NEK11: variants seen among roughly 807,000 people sequenced by gnomAD.
The protein encoded by NEK11 is NIMA related kinase 11.
Under a neutral mutation model 80.7 loss-of-function variants are expected in NEK11, and 72 were observed. The ratio of observed to expected loss-of-function variants is 0.89; its 90% CI spans 0.74 to 1.08. The LOEUF (loss-of-function observed/expected upper bound fraction) is 1.08. Ranked by LOEUF, NEK11 falls within the 50% of genes least tolerant of loss-of-function variation. NEK11 has a pLI of 0.00. For synonymous variants in NEK11, 251 were observed against 260.7 expected (o/e 0.96, Z 0.36); for missense variants, 764 against 763.6 (o/e 1.00, Z -0.01).
chr3:131,211,570 C>G (rs1258718054), intron 14 of NEK11, among the ~76,000 whole-genome samples: 1 of 152,220 alleles, frequency 6.6e-6, no homozygotes, highest in Non-Finnish European at 1.5e-5. Flanking sequence ...TGTTTTCCAA[C>G]TTGGTTCCAT....
intron 1 of NEK11, 191 bp from the exon 2 acceptor site, chr3:131,027,739 A>C (rs1278821640): frequency 6.3e-5 from 9 of 141,846 alleles, no homozygotes; most frequent in African/African-American, 2.3e-4. Flanking sequence ...GGATGACCTA[A>C]AAGTGGACTG....
At chr3:131,319,230 T>C (rs1405328582) in intron 17 of NEK11, among the ~76,000 whole-genome samples, 2 of 152,208 alleles carry the variant, frequency 1.3e-5, no homozygotes, top group African/African-American at 4.8e-5. Context: ...TTTTCTAATG[T>C]GACTTGTTAT....
chr3:131,044,809 C>T (rs1222547855), intron 3 of NEK11, among the ~76,000 whole-genome samples: 1 of 152,140 alleles, frequency 6.6e-6, no homozygotes, highest in Non-Finnish European at 1.5e-5. Flanking sequence ...CCCAAATCAA[C>T]AGAATATACA....
intron 3 of NEK11, among the ~76,000 whole-genome samples, chr3:131,054,748 CTAAATAAATAAA>C (rs538450777): frequency 4.2e-4 from 56 of 132,694 alleles, no homozygotes; most frequent in African/African-American, 1.4e-3. Context: ...CAGCCTGCCT[CTAAATAAATAAA>C]TAAATAAATA....
At chr3:131,176,605 C>T (rs867523782) in intron 14 of NEK11, among the ~76,000 whole-genome samples, 8 of 152,214 alleles carry the variant, frequency 5.3e-5, no homozygotes, top group African/African-American at 1.7e-4. Context: ...TAGAGTGTTC[C>T]TTCTGTACGA....
chr3:131,341,191 A>T, intron 17 of NEK11, among the ~76,000 whole-genome samples: 1 of 152,192 alleles, frequency 6.6e-6, no homozygotes, highest in Admixed American at 6.5e-5. Flanking sequence ...TATCAGAATA[A>T]ATTTACACGG....
chr3:131,323,442 T>C (rs2096918290), intron 17 of NEK11, among the ~76,000 whole-genome samples: 2 of 151,992 alleles, frequency 1.3e-5, no homozygotes, highest in South Asian at 4.1e-4. Context: ...CTGAAGCCTA[T>C]ACTACCTTGG....
chr3:131,056,001 A>G (rs1463389784), intron 3 of NEK11, among the ~76,000 whole-genome samples: 2 of 152,228 alleles, frequency 1.3e-5, no homozygotes, highest in Non-Finnish European at 2.9e-5. Flanking sequence ...AAAGAGACCA[A>G]GTATACTGTG....
chr3:131,101,842 A>G (rs751893884), intron 4 of NEK11, among the ~76,000 whole-genome samples: 2 of 152,012 alleles, frequency 1.3e-5, no homozygotes, highest in Non-Finnish European at 2.9e-5. Flanking sequence ...CTGTATTACT[A>G]TGTGTTTGTC....
intron 17 of NEK11, among the ~76,000 whole-genome samples, chr3:131,348,957 C>A (rs547015261): frequency 4.3e-4 from 65 of 152,172 alleles, no homozygotes; most frequent in African/African-American, 1.5e-3. Flanking sequence ...TCCTCCTCCT[C>A]CTCATTATTA....
intron 17 of NEK11, among the ~76,000 whole-genome samples, chr3:131,314,130 A>AGTGTGTGTGTGTGTGTGTGT (rs143988468): frequency 1.4e-3 from 213 of 149,332 alleles, no homozygotes; most frequent in African/African-American, 4.5e-3. Flanking sequence ...GGAGAAAAAG[A>AGTGTGTGTGTGTGTGTGTGT]GTGTGTGTGT....
intron 17 of NEK11, among the ~76,000 whole-genome samples, chr3:131,347,154 T>C (rs182892979): frequency 1.2e-4 from 19 of 152,222 alleles, no homozygotes; most frequent in Admixed American, 2.0e-4. Flanking sequence ...GGGAAACTTA[T>C]TGTGGAGCCT....
intron 7 of NEK11, among the ~76,000 whole-genome samples, chr3:131,137,859 A>T (rs946607329): frequency 6.6e-6 from 1 of 152,232 alleles, no homozygotes; most frequent in Non-Finnish European, 1.5e-5. Context: ...TTTTAAAAAA[A>T]TTTAAATTTT....
At chr3:131,296,931 G>A (rs1159573866) in intron 17 of NEK11, among the ~76,000 whole-genome samples, 2 of 151,700 alleles carry the variant, frequency 1.3e-5, no homozygotes, top group African/African-American at 2.4e-5. Context: ...TTGTTCTTGC[G>A]ATAGTTTACT....
At chr3:131,315,466 C>CCT (rs1279616482) in intron 17 of NEK11, among the ~76,000 whole-genome samples, 1 of 97,122 alleles carries the variant, frequency 1.0e-5, no homozygotes. Context: ...GAATAATATT[C>CCT]CTGTGTGTGT....
intron 17 of NEK11, chr3:131,327,874 A>T (rs1208775422): frequency 6.6e-6 from 1 of 151,924 alleles, no homozygotes; most frequent in Non-Finnish European, 1.5e-5. Context: ...TTTATTTTGT[A>T]GCACTGAAAA....
intron 14 of NEK11, 113 bp downstream of exon 14, chr3:131,171,000 G>C (rs1161603752): frequency 1.3e-6 from 1 of 788,870 alleles, no homozygotes; most frequent in Non-Finnish European, 2.3e-6. Flanking sequence ...AGTGTGTGCA[G>C]CTATTATCAG....
intron 17 of NEK11, among the ~76,000 whole-genome samples, chr3:131,337,610 TATA>T (rs571728260): frequency 0.023 from 3,502 of 151,238 alleles, 126 homozygotes; most frequent in African/African-American, 0.079. Flanking sequence ...AAACTTAAAG[TATA>T]ATAATAATAA....
intron 5 of NEK11, among the ~76,000 whole-genome samples, chr3:131,115,818 C>T (rs964212476): frequency 6.6e-6 from 1 of 152,156 alleles, no homozygotes; most frequent in East Asian, 1.9e-4. Flanking sequence ...ACGGCTTCCT[C>T]ATCACCTCAC....
Sources: allele counts gnomAD v4.1 joint callset (sites outside exome capture counted in the v4.1 genomes callset), GRCh38; gene constraint gnomAD v4.1.1; transcripts MANE v1.5; gene names NCBI Gene and HGNC (gene_info 2026-07-23, HGNC 2026-07-21).